Variants in JPT2 observed in about 807,000 individuals in gnomAD.
The protein encoded by JPT2 is CRAMP_1 like.
A neutral mutation model predicts 15.9 loss-of-function variants in JPT2; 9 were observed. That is an observed-to-expected ratio of 0.57 (90% confidence interval 0.34 to 0.99). The LOEUF is 0.99. Ranked by LOEUF, JPT2 falls within the 50% of genes least tolerant of loss-of-function variation. JPT2 has a pLI of 0.02. For synonymous variants in JPT2, 95 were observed against 91.7 expected, an observed-to-expected ratio of 1.04 and a Z score of -0.21; for missense variants, 267 against 252.1, an observed-to-expected ratio of 1.06 and a Z score of -0.40.
downstream of JPT2, chr16:1,702,129 C>T: frequency 2.2e-6 from 1 of 456,004 alleles, no homozygotes; most frequent in Non-Finnish European, 4.4e-6. Flanking sequence ...ACTTAATATC[C>T]TTACAGGCAT....
Position 1,700,180 on chromosome 16 carries a change from G to A in JPT2, c.*1182G>A, listed in dbSNP as rs753283644. The A allele has an allele frequency of 1.5e-5, 7 of 455,918 alleles. 1 individual carries two copies. The highest frequency in any genetic ancestry group is 1.1e-4 in the South Asian group (7 of 64,566). The allele number at this position is 455,918 out of a possible 1,614,324, so 28.2% of individuals were successfully genotyped here. ...GATCTAACTCACAAACAAGCTTCCA[G>A]AAGAGACTAGAGACCTTAGGCCAGG... On this transcript the variant is annotated 3_prime_UTR_variant, in exon 5 of 5. Coordinates refer to ENST00000248098, the MANE Select transcript of JPT2 (RefSeq NM_144570.3).
intron 4 of JPT2, 100 bp downstream of exon 4, chr16:1,697,960 CCTT>C: frequency 9.6e-7 from 1 of 1,038,412 alleles, no homozygotes; most frequent in Non-Finnish European, 1.5e-6. Flanking sequence ...TTTCTTTGCA[CCTT>C]CTGGGCCACC....
At chr16:1,692,882 T>G (rs889766526) in intron 3 of JPT2, among the ~76,000 whole-genome samples, 4 of 152,188 alleles carry the variant, frequency 2.6e-5, no homozygotes, top group African/African-American at 9.7e-5. Flanking sequence ...GTTTATTGGT[T>G]TATATGCTGG....
At chr16:1,678,494 C>A in intron 1 of JPT2, 138 bp downstream of exon 1, 1 of 876,134 alleles carries the variant, frequency 1.1e-6, no homozygotes, top group Non-Finnish European at 1.5e-6. Flanking sequence ...CCCTCGGGGC[C>A]GCCGCCCGCC....
At chr16:1,684,092 A>G (rs2037045911) in intron 1 of JPT2, among the ~76,000 whole-genome samples, 1 of 152,218 alleles carries the variant, frequency 6.6e-6, no homozygotes, top group Non-Finnish European at 1.5e-5. Context: ...GGGAATAATG[A>G]CAGAAAAGAA....
chr16:1,687,934 C>T (rs147426300), intron 2 of JPT2, among the ~76,000 whole-genome samples: 225 of 152,226 alleles, frequency 1.5e-3, no homozygotes, highest in African/African-American at 5.0e-3. Context: ...ATGCAGAGGC[C>T]GAGAGTGTGT....
chr16:1,685,698 C>G, intron 2 of JPT2, 111 bp downstream of exon 2: 9 of 1,168,422 alleles, frequency 7.7e-6, no homozygotes, highest in Non-Finnish European at 8.4e-6. Context: ...CAGGTAATCA[C>G]TTGTTATCAG....
Position 1,698,953 on chromosome 16 carries a change from G to C in JPT2, c.528G>C (p.Lys176Asn). 1 of 1,613,582 alleles carries C rather than the reference G, an allele frequency of 6.2e-7. No individual in the cohort carries two copies. Among genetic ancestry groups the C allele is most frequent in the Non-Finnish European group, 8.5e-7 (1 of 1,179,714 alleles). The part of the protein sequence containing the change: ...RLGPRPRSHN[K>N]VLNPPGGKSS... ...GGCCGCGGCCTCGCTCTCACAACAA[G>C]GTCCTGAACCCACCGGGAGGCAAAT... Residue 176 changes from lysine (K) to asparagine (N), a missense_variant, in exon 5 of 5, where the codon AAG becomes AAC. Coordinates refer to ENST00000248098, the MANE Select transcript of JPT2 (RefSeq NM_144570.3). The surrounding 1 kb of genome is among the most constrained non-coding windows in gnomAD (Gnocchi z 4.9).
rs991293912 is a variant in JPT2 at position 1,700,269 on chromosome 16, A to T, written c.*1271A>T. The T allele has an allele frequency of 2.4e-6, 1 of 424,684 alleles. No individual in the cohort carries two copies. The highest frequency in any genetic ancestry group is 2.0e-5 in the African/African-American group (1 of 49,282). 26.3% of individuals were successfully genotyped at this position (424,684 alleles called of 1,614,324 possible). A position where few individuals can be genotyped will look rare whatever the true frequency, so the allele number is the denominator to read the frequency against. On this transcript the variant is annotated 3_prime_UTR_variant, in exon 5 of 5. Transcript: ENST00000248098. Reference sequence around the variant, plus strand: ...TTCCCTGAGCTTTGCTCACTCAGCTAATGGGATGGCAAAGGTGGTGGTGCT... The same window carrying T: ...TTCCCTGAGCTTTGCTCACTCAGCTTATGGGATGGCAAAGGTGGTGGTGCT...
chr16:1,700,326 C>A lies in JPT2; in HGVS notation c.*1328C>A. 2.9e-6 allele frequency: 1 copy of A among 350,792 alleles called. No individual in the cohort carries two copies. The allele number at this position is 350,792 out of a possible 1,614,324, so 21.7% of individuals were successfully genotyped here. On this transcript the variant is annotated 3_prime_UTR_variant, in exon 5 of 5. Transcript: ENST00000248098. ...TTCAGGCAGAAGCCTCTGCCCATCCCCCTCAAGGGCTGCAGGCCCAGTTCT... is the reference window on the plus strand; with the variant it reads ...TTCAGGCAGAAGCCTCTGCCCATCCACCTCAAGGGCTGCAGGCCCAGTTCT...
intron 1 of JPT2, 112 bp downstream of exon 1, chr16:1,678,468 G>A: frequency 1.9e-6 from 2 of 1,069,790 alleles, no homozygotes; most frequent in Non-Finnish European, 2.4e-6. Context: ...TGGGGGGCAG[G>A]GCGACCTCAC....
intron 4 of JPT2, 85 bp downstream of exon 4, chr16:1,697,945 G>C: frequency 1.6e-6 from 2 of 1,288,556 alleles, no homozygotes; most frequent in South Asian, 1.2e-5. Context: ...GAATGAAAAG[G>C]AGTCTTTCTT....
chr16:1,682,414 G>GT (rs1368625045), intron 1 of JPT2, among the ~76,000 whole-genome samples: 5 of 151,936 alleles, frequency 3.3e-5, no homozygotes, highest in Non-Finnish European at 5.9e-5. Context: ...GCTCATGCCT[G>GT]TAATCCCAGC....
At chr16:1,683,713 C>A in intron 1 of JPT2, 1 of 691,424 alleles carries the variant, frequency 1.4e-6, no homozygotes, top group Non-Finnish European at 2.5e-6. Context: ...ACTCCATTCA[C>A]ATCCAGTCAC....
intron 3 of JPT2, among the ~76,000 whole-genome samples, chr16:1,696,251 A>AAAC (rs2037141021): frequency 7.5e-6 from 1 of 132,660 alleles, no homozygotes. Flanking sequence ...AACAAACAAA[A>AAAC]AAGCCTGGGC....
At chr16:1,688,011 G>C (rs2037079873) in intron 2 of JPT2, among the ~76,000 whole-genome samples, 1 of 152,228 alleles carries the variant, frequency 6.6e-6, no homozygotes, top group East Asian at 1.9e-4. Context: ...TGAATCTTCA[G>C]TAGTCTCTGT....
At chr16:1,694,483 A>G (rs919998252) in intron 3 of JPT2, among the ~76,000 whole-genome samples, 4 of 152,260 alleles carry the variant, frequency 2.6e-5, no homozygotes, top group African/African-American at 4.8e-5. Context: ...GTAATGGGAA[A>G]AAAGTCCTAT....
At chr16:1,678,744 C>T (rs538802150) in intron 1 of JPT2, among the ~76,000 whole-genome samples, 31 of 150,804 alleles carry the variant, frequency 2.1e-4, no homozygotes, top group Middle Eastern at 3.4e-3. Flanking sequence ...CCCATTTTGT[C>T]TGTGGGATGC....
At chr16:1,689,011 T>A (rs542849320) in intron 2 of JPT2, 1 of 151,954 alleles carries the variant, frequency 6.6e-6, no homozygotes, top group Non-Finnish European at 1.5e-5. Flanking sequence ...TGGGTGAGAG[T>A]GAAGGAACAC....
Sources: allele counts gnomAD v4.1 joint callset (sites outside exome capture counted in the v4.1 genomes callset), GRCh38; gene constraint gnomAD v4.1.1; non-coding constraint Gnocchi (gnomAD v3.1); transcripts MANE v1.5; gene names NCBI Gene and HGNC (gene_info 2026-07-23, HGNC 2026-07-21).